The following TASOR2 variants were observed in gnomAD, a reference collection of about 807,000 sequenced individuals.
TASOR2 encodes the protein transcription activation suppressor family member 2.
Under a neutral mutation model 199.5 loss-of-function variants are expected in TASOR2, and 84 were observed. That is an observed-to-expected ratio of 0.42 (90% CI 0.35 to 0.50). The LOEUF is 0.50. TASOR2 is among the 20% of genes least tolerant of loss of function. The probability of loss-of-function intolerance (pLI) is 0.02; values close to 1 mark genes in which losing one functional copy is unlikely to be tolerated. For missense variants in TASOR2, 2,796 were observed against 2,835.9 expected (o/e 0.99, Z 0.32); for synonymous variants, 1,103 against 1,046.6 (o/e 1.05, Z -1.04).
Position 5,752,251 on chromosome 10 carries a change from G to C in TASOR2, c.6606+2224G>C, listed in dbSNP as rs1297225604. Among the ~76,000 whole-genome samples the C allele has an allele frequency of 2.0e-5, 3 of 152,234 alleles. No homozygotes were observed. Among genetic ancestry groups the C allele is most frequent in the African/African-American group, 7.2e-5 (3 of 41,474 alleles). ...GACAAGGAAAACACTGATTAAAAGA[G>C]TCACACAAATAAATGTGAAATGAAA... On this transcript the variant is annotated intron_variant, in intron 15 of 20. Coordinates refer to ENST00000328090, the Ensembl canonical transcript of TASOR2. The surrounding 1 kb of genome is among the most constrained non-coding windows in gnomAD (Gnocchi z 4.4).
In TASOR2 at chr10:5,701,714, T is replaced by C. The variant is rs1837877918; in HGVS notation, c.-287-11109T>C. 6.6e-6 allele frequency among the ~76,000 whole-genome samples: 1 copy of C among 152,218 alleles called. No individual in the cohort carries two copies. Among genetic ancestry groups the C allele is most frequent in the Non-Finnish European group, 1.5e-5 (1 of 68,022 alleles). The stretch of plus-strand genomic sequence containing the variant: ...TGATTCCTAGGTATGTTATATTCTT[T>C]GTAGCTATTGTAAATGGGATTGCTT... On this transcript the variant is annotated intron_variant, in intron 1 of 20. Coordinates refer to ENST00000328090, the Ensembl canonical transcript of TASOR2. This position sits in a 1 kb window ranked among gnomAD's most constrained non-coding sequence, Gnocchi z 4.9.
intron 1 of TASOR2, chr10:5,709,394 A>G: frequency 1.9e-6 from 1 of 513,046 alleles, no homozygotes; most frequent in Non-Finnish European, 3.0e-6. Flanking sequence ...TTAGCTGAGA[A>G]TACTTGTCAA....
intron 19 of TASOR2, among the ~76,000 whole-genome samples, chr10:5,762,276 TAAG>T (rs1839971041): frequency 4.0e-5 from 6 of 149,066 alleles, no homozygotes; most frequent in Admixed American, 1.3e-4. Context: ...AAAAAAGTGT[TAAG>T]AAAAATTTAC....
intron 2 of TASOR2, among the ~76,000 whole-genome samples, chr10:5,716,665 A>C (rs1452659500): frequency 6.6e-6 from 1 of 152,108 alleles, no homozygotes; most frequent in Non-Finnish European, 1.5e-5. Context: ...CTGTAATCGT[A>C]GCTCTTTTGG....
At chr10:5,688,641 A>C (rs1836069361) in intron 1 of TASOR2, among the ~76,000 whole-genome samples, 1 of 151,978 alleles carries the variant, frequency 6.6e-6, no homozygotes, top group South Asian at 2.1e-4. Flanking sequence ...TTTTACCTAC[A>C]CATGTGTCAT....
At chr10:5,761,848 A>T (rs1403919871) in intron 19 of TASOR2, 1 of 156,968 alleles carries the variant, frequency 6.4e-6, no homozygotes, top group African/African-American at 2.4e-5. Context: ...AGCCTAGCCA[A>T]CATGGTGAAA....
In TASOR2 at chr10:5,720,231, T is replaced by G. The variant is rs1318134226; in HGVS notation, c.-99-313T>G. ...TAAAGGTTATTGCTATTCGAAGGCATCTGATTAGTTTTAATATTTTCATTC... is the reference window on the plus strand; with the variant it reads ...TAAAGGTTATTGCTATTCGAAGGCAGCTGATTAGTTTTAATATTTTCATTC... On this transcript the variant is annotated intron_variant, in intron 3 of 20. Transcript: ENST00000328090. This position sits in a 1 kb window ranked among gnomAD's most constrained non-coding sequence, Gnocchi z 5.3. 1 of 983,672 alleles carries G rather than the reference T, an allele frequency of 1.0e-6. No individual in the cohort carries two copies. The highest frequency in any genetic ancestry group is 1.2e-6 in the Non-Finnish European group (1 of 828,452). 60.9% of individuals were successfully genotyped at this position (983,672 alleles called of 1,614,324 possible).
At chr10:5,723,907 G>C (rs1055172003) in intron 7 of TASOR2, 130 bp downstream of exon 8, 14 of 489,560 alleles carry the variant, frequency 2.9e-5, no homozygotes, top group Non-Finnish European at 4.5e-5. Context: ...TCTTTTGTAA[G>C]AAAGCTGTAG....
rs1833236320 is a variant in TASOR2 at position 5,720,675 on chromosome 10, A to G, written c.26+7A>G. ...CACCAGCTCATAAAAGCATGTAAGT[A>G]ATTATGTGCATGCTTTGTTTTACTG... On this transcript the variant is annotated splice_region_variant and intron_variant, in intron 4 of 20. Coordinates refer to ENST00000328090, the Ensembl canonical transcript of TASOR2. The surrounding 1 kb of genome is among the most constrained non-coding windows in gnomAD (Gnocchi z 5.3). The G allele has an allele frequency of 1.2e-6, 2 of 1,613,952 alleles. No homozygotes were observed. Among genetic ancestry groups the G allele is most frequent in the Admixed American group, 3.3e-5 (2 of 60,006 alleles).
At chr10:5,711,550 A>G (rs1055172684) in intron 1 of TASOR2, among the ~76,000 whole-genome samples, 4 of 152,162 alleles carry the variant, frequency 2.6e-5, no homozygotes, top group Non-Finnish European at 4.4e-5. Flanking sequence ...GAACAGTTAA[A>G]ATGGTTAGAT....
rs1195003888 is a variant in TASOR2, at chr10:5,738,225, T to TA, written c.1448-1390dup. 2.0e-5 allele frequency among the ~76,000 whole-genome samples: 3 copies of TA among 152,240 alleles called. No individual in the cohort carries two copies. Among genetic ancestry groups the TA allele is most frequent in the African/African-American group, 7.2e-5 (3 of 41,464 alleles). On this transcript the variant is annotated intron_variant, in intron 12 of 20. Coordinates refer to ENST00000328090, the Ensembl canonical transcript of TASOR2. The surrounding 1 kb of genome is among the most constrained non-coding windows in gnomAD (Gnocchi z 4.7). The stretch of plus-strand genomic sequence containing the variant: ...CTTTGGCATTGTCTTATGTATGTCT[T>TA]AAATAGAAATTATGGGTGGTGTTTT...
intron 1 of TASOR2, among the ~76,000 whole-genome samples, chr10:5,702,248 T>G (rs1305349052): frequency 6.6e-6 from 1 of 152,216 alleles, no homozygotes; most frequent in African/African-American, 2.4e-5. Context: ...TCTGTTAATA[T>G]ATCACATTTA....
At chr10:5,723,704 A>G (rs2131578888) in exon 7 of TASOR2, 1 of 1,593,540 alleles carries the variant, frequency 6.3e-7, no homozygotes, top group Non-Finnish European at 8.6e-7. Flanking sequence ...TTAAATATGT[A>G]ATGAAAGTGT....
At chr10:5,753,845 G>GT (rs1838444113) in intron 15 of TASOR2, among the ~76,000 whole-genome samples, 2 of 152,174 alleles carry the variant, frequency 1.3e-5, no homozygotes, top group Middle Eastern at 3.4e-3. Context: ...AATCAGTTTA[G>GT]TTTTTTTCTT....
chr10:5,736,639 T>C (rs2086516769), intron 12 of TASOR2, among the ~76,000 whole-genome samples: 1 of 152,212 alleles, frequency 6.6e-6, no homozygotes, highest in Non-Finnish European at 1.5e-5. Context: ...GAATCAAGTT[T>C]AGTCACATGA....
At chr10:5,735,345 T>C (rs769835190) in exon 12 of TASOR2, 2 of 1,613,946 alleles carry the variant, frequency 1.2e-6, no homozygotes, top group African/African-American at 1.3e-5. Context: ...GAAAACCAAA[T>C]TGGATAGGAA....
At chr10:5,717,795 A>G in intron 3 of TASOR2, 45 bp downstream of exon 4, 1 of 728,544 alleles carries the variant, frequency 1.4e-6, no homozygotes, top group Non-Finnish European at 1.9e-6. Flanking sequence ...TTAAAGTTTA[A>G]GGTTATCTAC....
chr10:5,747,882 A>G (rs767986108), exon 15 of TASOR2: 8 of 1,613,806 alleles, frequency 5.0e-6, no homozygotes, highest in East Asian at 4.5e-5. Context: ...CTGATCATCC[A>G]GGAAGAACAG....
rs75916183 is a variant in TASOR2, at chr10:5,751,813, C to T, written c.6606+1786C>T. On this transcript the variant is annotated intron_variant, in intron 15 of 20. Coordinates refer to ENST00000328090, the Ensembl canonical transcript of TASOR2. The surrounding 1 kb of genome is among the most constrained non-coding windows in gnomAD (Gnocchi z 5.3). ...GCCAAGAAATATACATATGTACATA[C>T]GTATATCTACATCTCTATTTATGTA... 0.014 allele frequency among the ~76,000 whole-genome samples: 2,079 copies of T among 152,242 alleles called. 48 individuals carry two copies. The highest frequency in any genetic ancestry group is 0.048 in the African/African-American group (1,982 of 41,538).
Sources: allele counts gnomAD v4.1 joint callset (sites outside exome capture counted in the v4.1 genomes callset), GRCh38; gene constraint gnomAD v4.1.1; non-coding constraint Gnocchi (gnomAD v3.1); transcripts MANE v1.5; gene names NCBI Gene and HGNC (gene_info 2026-07-23, HGNC 2026-07-21).